The following MYO5A variants were observed in gnomAD, a reference collection of about 807,000 sequenced individuals.
MYO5A encodes myosin VA.
MYO5A carries 98 observed loss-of-function variants against 249.7 expected under a neutral mutation model. The ratio of observed to expected loss-of-function variants is 0.39; its 90% CI spans 0.33 to 0.46. The LOEUF (loss-of-function observed/expected upper bound fraction) is 0.46, where lower values mean the gene tolerates loss of function less well. Ranked by LOEUF, MYO5A falls within the 20% of genes least tolerant of loss-of-function variation. The pLI is 0.98. For missense variants in MYO5A, 1,696 were observed against 2,308.8 expected (o/e 0.73, Z 5.44); for synonymous variants, 778 against 810.6 (o/e 0.96, Z 0.68).
chr15:52,480,056 A>G (rs1595762024), intron 1 of MYO5A, among the ~76,000 whole-genome samples: 1 of 152,152 alleles, frequency 6.6e-6, no homozygotes, highest in Admixed American at 6.6e-5. Flanking sequence ...CTCTCTCCCA[A>G]ACCCTACATC....
chr15:52,335,662 CT>C lies in MYO5A; in HGVS notation c.4408+800del, dbSNP rs1193571186. On this transcript the variant is annotated intron_variant, in intron 34 of 41. Coordinates refer to ENST00000399233, the MANE Select transcript of MYO5A (RefSeq NM_001382347.1). ...ATTTGTATATAAATAATAACAACAA[CT>C]GATATTTGGTTATTTCTCAAGGAAT... 2.6e-5 allele frequency among the ~76,000 whole-genome samples: 4 copies of C among 151,568 alleles called. No homozygotes were observed. The South Asian group carries it at 6.3e-4, about 24-fold the overall frequency.
At chr15:52,373,048 A>C (rs911683410) in intron 20 of MYO5A, among the ~76,000 whole-genome samples, 1 of 152,110 alleles carries the variant, frequency 6.6e-6, no homozygotes, top group African/African-American at 2.4e-5. Flanking sequence ...TGCTATTTCA[A>C]ATGTAGCAAG....
chr15:52,473,550 C>T (rs1230833947), intron 1 of MYO5A, among the ~76,000 whole-genome samples: 1 of 152,174 alleles, frequency 6.6e-6, no homozygotes, highest in Non-Finnish European at 1.5e-5. Flanking sequence ...AGTCTTTAAT[C>T]CATCGTGAAT....
At chr15:52,409,092 C>T (rs1299272384) in intron 6 of MYO5A, among the ~76,000 whole-genome samples, 1 of 152,078 alleles carries the variant, frequency 6.6e-6, no homozygotes, top group African/African-American at 2.4e-5. Flanking sequence ...ACATCCTTGA[C>T]ATTCTATATC....
At chr15:52,369,869 C>CT (rs5812601) in intron 22 of MYO5A, among the ~76,000 whole-genome samples, 181 of 93,790 alleles carry the variant, frequency 1.9e-3, no homozygotes, top group Non-Finnish European at 2.0e-3. Flanking sequence ...CCCAGACTGA[C>CT]TTTTTTTTTT....
chr15:52,496,561 GA>G (rs1488382359), intron 1 of MYO5A, among the ~76,000 whole-genome samples: 1 of 152,156 alleles, frequency 6.6e-6, no homozygotes, highest in Non-Finnish European at 1.5e-5. Flanking sequence ...CATTAAGGAA[GA>G]AAAGCTGTGA....
At chr15:52,359,911 C>T in intron 25 of MYO5A, 57 bp downstream of exon 25, 3 of 1,249,766 alleles carry the variant, frequency 2.4e-6, no homozygotes, top group Non-Finnish European at 3.5e-6. Context: ...GGAAATGTTC[C>T]TTGTTAACAA....
At chr15:52,492,860 G>A (rs1193395393) in intron 1 of MYO5A, among the ~76,000 whole-genome samples, 1 of 152,164 alleles carries the variant, frequency 6.6e-6, no homozygotes, top group Non-Finnish European at 1.5e-5. Flanking sequence ...GGAATTTATT[G>A]TACTGTTCTT....
intron 34 of MYO5A, among the ~76,000 whole-genome samples, chr15:52,335,516 C>CAAAA (rs397854139): frequency 6.2e-5 from 4 of 64,048 alleles, no homozygotes; most frequent in Admixed American, 2.0e-4. Context: ...ACTCTGTCTC[C>CAAAA]AAAAAAAAAA....
chr15:52,491,703 T>C (rs1438601028), intron 1 of MYO5A, among the ~76,000 whole-genome samples: 2 of 152,192 alleles, frequency 1.3e-5, no homozygotes, highest in African/African-American at 4.8e-5. Flanking sequence ...TTGGCAAACA[T>C]TAATCAAACG....
At chr15:52,323,707 GAAA>G in intron 36 of MYO5A, 1 of 378,652 alleles carries the variant, frequency 2.6e-6, no homozygotes, top group South Asian at 2.2e-5. Context: ...CCTTTAAGCA[GAAA>G]AAAATTCACC....
intron 39 of MYO5A, 23 bp downstream of exon 39, chr15:52,319,037 C>T (rs767799870): frequency 5.6e-6 from 9 of 1,613,190 alleles, no homozygotes; most frequent in Admixed American, 3.3e-5. Context: ...AAGACACTGT[C>T]GCAGGTGTTG....
chr15:52,479,973 T>G (rs989924380), intron 1 of MYO5A, among the ~76,000 whole-genome samples: 2 of 152,312 alleles, frequency 1.3e-5, no homozygotes, highest in African/African-American at 4.8e-5. Context: ...AAGCCACCTA[T>G]CTGCACCTGT....
intron 1 of MYO5A, among the ~76,000 whole-genome samples, chr15:52,497,345 C>A (rs1017219317): frequency 6.6e-6 from 1 of 151,472 alleles, no homozygotes; most frequent in South Asian, 2.1e-4. Flanking sequence ...AAAAAATATA[C>A]GCAGATATTC....
chr15:52,473,909 T>A (rs553212475), intron 1 of MYO5A, among the ~76,000 whole-genome samples: 2 of 152,184 alleles, frequency 1.3e-5, no homozygotes, highest in Admixed American at 1.3e-4. Context: ...TTTAAAGTAG[T>A]TTTTTCCAAT....
intron 15 of MYO5A, 77 bp downstream of exon 15, chr15:52,384,084 G>A: frequency 6.4e-7 from 1 of 1,573,780 alleles, no homozygotes; most frequent in Admixed American, 1.7e-5. Context: ...CCACCTGGGA[G>A]GCTGAAGAGG....
intron 34 of MYO5A, among the ~76,000 whole-genome samples, chr15:52,331,324 T>G (rs1019232136): frequency 3.9e-5 from 6 of 152,118 alleles, no homozygotes; most frequent in African/African-American, 1.4e-4. Context: ...AGCTAGAGAA[T>G]TATGCTAAAG....
At position 52,503,808 on chromosome 15, in the gene MYO5A, A is replaced by C. The variant is rs189523372; in HGVS notation, c.27+24972T>G. On this transcript the variant is annotated intron_variant, in intron 1 of 41. Transcript: ENST00000399233. ...CCACAAGGGTCCTATGTATTTTCTC[A>C]CTTCTAAGAGGTATTATCTACCTCT... Among the ~76,000 whole-genome samples, 613 of 152,184 alleles carry C rather than the reference A, an allele frequency of 4.0e-3. 3 individuals are homozygous for C. The highest frequency in any genetic ancestry group is 6.3e-3 in the Admixed American group (97 of 15,286).
intron 1 of MYO5A, among the ~76,000 whole-genome samples, chr15:52,470,106 C>T (rs2076429278): frequency 2.0e-5 from 3 of 152,224 alleles, no homozygotes; most frequent in Admixed American, 6.5e-5. Flanking sequence ...AATAATGGCA[C>T]CTTCAATGGT....
Sources: gnomAD v4.1 joint callset for allele counts (sites outside exome capture counted in the v4.1 genomes callset) on GRCh38, gnomAD v4.1.1 for gene constraint, MANE v1.5 for transcripts, NCBI Gene and HGNC (gene_info 2026-07-23, HGNC 2026-07-21) for gene names.